The following IL1RAPL2 variants were observed in gnomAD, a reference collection of about 807,000 sequenced individuals.
IL1RAPL2 encodes interleukin 1 receptor accessory protein like 2.
A neutral mutation model predicts 44.1 loss-of-function variants in IL1RAPL2; 3 were observed. That is an observed-to-expected ratio of 0.07 (90% CI 0.03 to 0.18). IL1RAPL2 has a LOEUF of 0.18. IL1RAPL2 is among the 10% of genes least tolerant of loss of function. The probability of loss-of-function intolerance (pLI) is 1.00; values close to 1 mark genes in which losing one functional copy is unlikely to be tolerated. For missense variants in IL1RAPL2, 391 were observed against 496.4 expected (o/e 0.79, Z 2.02); for synonymous variants, 181 against 178.8 (o/e 1.01, Z -0.10).
At chrX:105,266,852 T>G (rs1444997322) in intron 4 of IL1RAPL2, among the ~76,000 whole-genome samples, 1 of 111,720 alleles carries the variant, frequency 9.0e-6, no homozygotes, top group Non-Finnish European at 1.9e-5. Flanking sequence ...AGAAGGGAGA[T>G]TCTGGAGTAC....
chrX:104,667,885 C>T (rs755356301), intron 2 of IL1RAPL2, among the ~76,000 whole-genome samples: 1 of 111,314 alleles, frequency 9.0e-6, no homozygotes, highest in East Asian at 2.8e-4. Flanking sequence ...GGATATAGTT[C>T]ATATCAAGGA....
At chrX:105,361,531 GAT>G (rs1205186421) in intron 5 of IL1RAPL2, among the ~76,000 whole-genome samples, 3 of 111,528 alleles carry the variant, frequency 2.7e-5, no homozygotes, top group Admixed American at 9.6e-5. Context: ...GGAGAAATAA[GAT>G]AAGGTCAAGT....
intron 5 of IL1RAPL2, among the ~76,000 whole-genome samples, chrX:105,460,734 T>G (rs1257344711): frequency 8.9e-6 from 1 of 111,895 alleles, no homozygotes; most frequent in Non-Finnish European, 1.9e-5. Flanking sequence ...CAAGAAAAGT[T>G]TTCTAGTCCT....
intron 2 of IL1RAPL2, among the ~76,000 whole-genome samples, chrX:104,761,930 CTTCTTCTTCTTCTTCTTCTTCTT>C (rs1932458405): frequency 2.6e-5 from 1 of 38,370 alleles, no homozygotes; most frequent in African/African-American, 1.5e-4. Flanking sequence ...TCTCCTTCTT[CTTCTTCTTCTTCTTCTTCTTCTT>C]CTTCTTCTTC....
chrX:105,640,654 GTA>G (rs768814568), intron 6 of IL1RAPL2, among the ~76,000 whole-genome samples: 12,846 of 58,996 alleles, frequency 0.22, 1,205 homozygotes, highest in Middle Eastern at 0.29. Flanking sequence ...GTATGTGTGT[GTA>G]TATATATATA....
chrX:104,647,430 G>A, intron 1 of IL1RAPL2: 1 of 605,320 alleles, frequency 1.7e-6, no homozygotes, highest in Non-Finnish European at 2.8e-6. Context: ...TCTGCTTCCT[G>A]CTGATCCACC....
At chrX:105,136,690 A>G (rs141993889) in intron 2 of IL1RAPL2, among the ~76,000 whole-genome samples, 2,292 of 112,421 alleles carry the variant, frequency 0.02, 24 homozygotes, top group Middle Eastern at 0.032. Flanking sequence ...GGTTGTAACA[A>G]CAAACTTTCC....
At chrX:105,111,426 T>G (rs1425108551) in intron 2 of IL1RAPL2, among the ~76,000 whole-genome samples, 1 of 111,605 alleles carries the variant, frequency 9.0e-6, no homozygotes, top group Non-Finnish European at 1.9e-5. Context: ...TGAAAATACC[T>G]GGAAGCTTGA....
intron 5 of IL1RAPL2, among the ~76,000 whole-genome samples, chrX:105,327,072 G>T (rs1282853556): frequency 4.5e-5 from 5 of 112,000 alleles, no homozygotes; most frequent in Non-Finnish European, 7.5e-5. Flanking sequence ...TCTAAAGAAG[G>T]TTTAACAGGA....
At chrX:105,077,764 A>C (rs775704642) in intron 2 of IL1RAPL2, among the ~76,000 whole-genome samples, 2 of 111,233 alleles carry the variant, frequency 1.8e-5, no homozygotes, top group South Asian at 7.6e-4. Context: ...TTTTTTGTCT[A>C]AACTTCTCTT....
At chrX:105,074,223 G>C (rs979396876) in intron 2 of IL1RAPL2, among the ~76,000 whole-genome samples, 3 of 111,809 alleles carry the variant, frequency 2.7e-5, no homozygotes, top group African/African-American at 9.8e-5. Flanking sequence ...TTTGTATAAG[G>C]TGTAAGGAAG....
chrX:105,565,895 C>T (rs1352999346), intron 6 of IL1RAPL2, among the ~76,000 whole-genome samples: 3 of 111,535 alleles, frequency 2.7e-5, no homozygotes, highest in African/African-American at 9.8e-5. Context: ...GTAGGGTAGT[C>T]AGGAGAAAAA....
intron 2 of IL1RAPL2, among the ~76,000 whole-genome samples, chrX:104,864,452 G>A (rs1211896007): frequency 2.7e-5 from 3 of 112,408 alleles, no homozygotes; most frequent in African/African-American, 6.5e-5. Context: ...AACATTCCAA[G>A]TGGCATATTT....
At chrX:104,734,394 C>G (rs963700394) in intron 2 of IL1RAPL2, among the ~76,000 whole-genome samples, 14 of 112,488 alleles carry the variant, frequency 1.2e-4, no homozygotes, top group African/African-American at 4.5e-4. Context: ...GGAAACAACT[C>G]AAATTTGCAT....
intron 1 of IL1RAPL2, among the ~76,000 whole-genome samples, chrX:104,638,230 T>G (rs1022891689): frequency 9.0e-6 from 1 of 111,570 alleles, no homozygotes; most frequent in African/African-American, 3.3e-5. Context: ...ATTTCTGATT[T>G]TATTCATTGG....
At chrX:104,796,883 A>G (rs995782448) in intron 2 of IL1RAPL2, among the ~76,000 whole-genome samples, 58 of 110,845 alleles carry the variant, frequency 5.2e-4, no homozygotes, top group Non-Finnish European at 7.8e-4. Context: ...TGATTCTCCT[A>G]CCTCAGCCCC....
intron 2 of IL1RAPL2, among the ~76,000 whole-genome samples, chrX:104,997,474 A>G (rs2030769481): frequency 9.0e-6 from 1 of 111,689 alleles, no homozygotes; most frequent in Non-Finnish European, 1.9e-5. Flanking sequence ...GTTTCAAGCA[A>G]GTAAGTGATA....
intron 6 of IL1RAPL2, among the ~76,000 whole-genome samples, chrX:105,670,737 T>C (rs1338769345): frequency 9.1e-6 from 1 of 110,103 alleles, no homozygotes; most frequent in Non-Finnish European, 1.9e-5. Flanking sequence ...TGTCTATTTA[T>C]TTAGATCCTT....
At chrX:105,350,089 T>C (rs542274436) in intron 5 of IL1RAPL2, among the ~76,000 whole-genome samples, 12 of 112,312 alleles carry the variant, frequency 1.1e-4, no homozygotes, top group Middle Eastern at 4.6e-3. Context: ...TATGCCTTTA[T>C]TAGTTTATGC....
Sources: allele counts gnomAD v4.1 joint callset (sites outside exome capture counted in the v4.1 genomes callset), GRCh38; gene constraint gnomAD v4.1.1; transcripts MANE v1.5; gene names NCBI Gene and HGNC (gene_info 2026-07-23, HGNC 2026-07-21).